The following SLU7 variants were observed in gnomAD, a reference collection of about 807,000 sequenced individuals.
SLU7 encodes spliceosome associated SLU7.
SLU7 carries 60 observed loss-of-function variants against 87.0 expected under a neutral mutation model. That is an observed-to-expected ratio of 0.69 (90% confidence interval 0.56 to 0.86). The LOEUF (loss-of-function observed/expected upper bound fraction) is 0.86. Among genes scored for constraint, SLU7 ranks in the 40% least tolerant of loss-of-function variants. SLU7 has a pLI of 0.00. For synonymous variants in SLU7, 197 were observed against 222.0 expected, an observed-to-expected ratio of 0.89 and a Z score of 1.00; for missense variants, 507 against 686.6, an observed-to-expected ratio of 0.74 and a Z score of 2.92.
intron 6 of SLU7, 150 bp from the exon 7 acceptor site, chr5:160,408,847 T>G: frequency 7.8e-6 from 1 of 127,426 alleles, no homozygotes; most frequent in Non-Finnish European, 1.6e-5. Context: ...ATTTATATTA[T>G]ATATAATAAA....
At chr5:160,410,363 T>C (rs1042750123) in intron 6 of SLU7, among the ~76,000 whole-genome samples, 1 of 152,226 alleles carries the variant, frequency 6.6e-6, no homozygotes, top group Non-Finnish European at 1.5e-5. Context: ...TACATACATT[T>C]CTATAGTGAC....
In SLU7 at chr5:160,404,745, G is replaced by C. The variant is rs1764934499; in HGVS notation, c.1464+64C>G. Reference sequence around the variant, plus strand: ...GTTTCAAAAGAAAAAAAAAAACTCAGGTGCAGGTTTTAAAGCCCTCCCTCC... The same window carrying C: ...GTTTCAAAAGAAAAAAAAAAACTCACGTGCAGGTTTTAAAGCCCTCCCTCC... On this transcript the variant is annotated intron_variant, in intron 14 of 15. Transcript: ENST00000297151. The C allele has an allele frequency of 3.2e-5, 37 of 1,147,038 alleles. No individual in the cohort carries two copies. In the South Asian group the frequency reaches 4.2e-4, roughly 13 times the overall value. 71.1% of individuals were successfully genotyped at this position (1,147,038 alleles called of 1,614,324 possible). A position where few individuals can be genotyped will look rare whatever the true frequency, so the allele number is the denominator to read the frequency against.
At position 160,405,040 on chromosome 5, in the gene SLU7, C is replaced by T. The variant is rs1433188553; in HGVS notation, c.1383G>A (p.Lys461=). Residue 461 remains lysine, a synonymous_variant, in exon 13 of 16, where the codon AAG becomes AAA. Transcript: ENST00000297151. ...AAAGACAATTACTTACAACAATCTC[C>T]TTCCCAGCTTCTCCAGTACAATAGG... is the stretch of plus-strand genomic sequence containing the variant. ...KYSYCTGEAG[K]EIVNSEECII... 9.9e-6 allele frequency: 16 copies of T among 1,610,932 alleles called. No homozygotes were observed. The highest frequency in any genetic ancestry group is 1.4e-5 in the Non-Finnish European group (16 of 1,177,164).
intron 1 of SLU7, 134 bp downstream of exon 1, chr5:160,418,889 C>T (rs889714338): frequency 2.0e-5 from 3 of 152,340 alleles, no homozygotes; most frequent in African/African-American, 7.2e-5. Context: ...TTTTCGGTCC[C>T]CCGTCCTCGC....
Position 160,403,319 on chromosome 5 carries a change from G to A in SLU7, c.1727C>T (p.Pro576Leu). 1 of 1,610,028 alleles carries A rather than the reference G, an allele frequency of 6.2e-7. No individual in the cohort carries two copies. Among genetic ancestry groups the A allele is most frequent in the Non-Finnish European group, 8.5e-7 (1 of 1,178,252 alleles). The change falls in exon 16 of 16, where the codon CCA (proline) becomes CTA (leucine). Residue 576 changes from proline to leucine, a missense_variant. Physicochemically the swap from Pro to Leu is moderately conservative, Grantham distance 98. Around this residue, in one of 6 missense-constraint regions of SLU7, gnomAD observed 201 missense variants for 213.4 expected, o/e 0.94. Transcript: ENST00000297151. The stretch of plus-strand genomic sequence containing the variant: ...AAGGAAAGAGGCCATGGGGTCATCT[G>A]GCCTCTGACGTTTCATTCTATATGC... Reference protein sequence around the residue: ...MEAYRMKRQRPDDPMASFLGQ With the variant: ...MEAYRMKRQRLDDPMASFLGQ
At position 160,407,893 on chromosome 5, in the gene SLU7, G is replaced by A. The variant is rs1765073076; in HGVS notation, c.917+78C>T. The A allele has an allele frequency of 6.9e-7, 1 of 1,459,730 alleles. No individual in the cohort carries two copies. The allele number at this position is 1,459,730 out of a possible 1,614,324, so 90.4% of individuals were successfully genotyped here. On this transcript the variant is annotated intron_variant, in intron 9 of 15. Coordinates refer to ENST00000297151, the MANE Select transcript of SLU7 (RefSeq NM_006425.5). The surrounding 1 kb of genome is among the most constrained non-coding windows in gnomAD (Gnocchi z 4.2). ...CGTAAAACTGAATCTGAATTAAAATGAACACCATCTATGGTCAGGTCAGAA... is the reference window on the plus strand; with the variant it reads ...CGTAAAACTGAATCTGAATTAAAATAAACACCATCTATGGTCAGGTCAGAA...
In SLU7 at chr5:160,416,531, C is replaced by T. The variant is rs115573058; in HGVS notation, c.-16-1221G>A. On this transcript the variant is annotated intron_variant, in intron 1 of 15. Coordinates refer to ENST00000297151, the MANE Select transcript of SLU7 (RefSeq NM_006425.5). Reference sequence around the variant, plus strand: ...CGTCTTAATTCAATCTCATGATCTTCCCTCTGAAATCTAATCTCCTACTCT... The same window carrying T: ...CGTCTTAATTCAATCTCATGATCTTTCCTCTGAAATCTAATCTCCTACTCT... Among the ~76,000 whole-genome samples the T allele has an allele frequency of 6.7e-3, 1,024 of 152,308 alleles. 12 individuals carry two copies. The highest frequency in any genetic ancestry group is 0.022 in the African/African-American group (927 of 41,568).
At chr5:160,412,382 C>A in intron 6 of SLU7, 69 bp downstream of exon 6, 1 of 972,494 alleles carries the variant, frequency 1.0e-6, no homozygotes. Flanking sequence ...AAAATGAATT[C>A]TTGTTTCAAT....
Position 160,414,375 on chromosome 5 carries a change from C to G in SLU7, c.268G>C (p.Glu90Gln), listed in dbSNP as rs1351947772. Residue 90 changes from glutamate to glutamine, a missense_variant, in exon 3 of 16, where the codon GAA becomes CAA. Physicochemically the swap from Glu to Gln is conservative, Grantham distance 29 (BLOSUM62 2). This residue lies in a region of SLU7 where 26 missense variants were observed against 78.9 expected (regional missense o/e 0.33). Coordinates refer to ENST00000297151, the MANE Select transcript of SLU7 (RefSeq NM_006425.5). ...GATGAGCTGAACTGCTTTTGTTTTT[C>G]TGGTTGTGGTCTCTGGTGTTTTAAA... ...PTLKHQRPQP[E>Q]KQKQFSSSGE... 6.2e-7 allele frequency: 1 copy of G among 1,611,398 alleles called. No homozygotes were observed. The highest frequency in any genetic ancestry group is 8.5e-7 in the Non-Finnish European group (1 of 1,178,730).
At chr5:160,404,635 A>G in intron 14 of SLU7, 79 bp from the exon 15 acceptor site, 1 of 1,040,632 alleles carries the variant, frequency 9.6e-7, no homozygotes, top group East Asian at 2.5e-5. Context: ...CTGAGGCACA[A>G]GAATCACTTG....
chr5:160,408,478 A>C lies in SLU7; in HGVS notation c.688-18T>G, dbSNP rs769844417. On this transcript the variant is annotated intron_variant, in intron 7 of 15. Transcript: ENST00000297151. Reference sequence around the variant, plus strand: ...TCTTTTTCCTAAAAGAGGGAGAGGAAGGAAAAGTAAGAAGAAAAGAAAGCA... The same window carrying C: ...TCTTTTTCCTAAAAGAGGGAGAGGACGGAAAAGTAAGAAGAAAAGAAAGCA... 6.3e-7 allele frequency: 1 copy of C among 1,577,824 alleles called. No individual in the cohort carries two copies. Among genetic ancestry groups the C allele is most frequent in the South Asian group, 1.2e-5 (1 of 83,684 alleles).
In SLU7 at chr5:160,413,558, C is replaced by A. The variant is rs753778788; in HGVS notation, c.468G>T (p.Gln156His). 1.9e-6 allele frequency: 3 copies of A among 1,613,974 alleles called. No homozygotes were observed. Among genetic ancestry groups the A allele is most frequent in the Non-Finnish European group, 2.5e-6 (3 of 1,179,882 alleles). ...CATCATAGTCAAACATCAGTTGAGG[C>A]TGGACATGTTCATCTGGAGCTATAT... is the stretch of plus-strand genomic sequence containing the variant. ...GTNIAPDEHV[Q>H]PQLMFDYDGK... The change falls in exon 5 of 16, where the codon CAG becomes CAT. Residue 156 changes from glutamine (Q) to histidine (H), a missense_variant. Coordinates refer to ENST00000297151, the MANE Select transcript of SLU7 (RefSeq NM_006425.5).
At chr5:160,404,669 T>G in intron 14 of SLU7, 113 bp from the exon 15 acceptor site, 1 of 880,050 alleles carries the variant, frequency 1.1e-6, no homozygotes, top group Non-Finnish European at 1.8e-6. Flanking sequence ...GAAGTTGCAG[T>G]GGGCCCAGAC....
Position 160,407,610 on chromosome 5 carries a change from C to A in SLU7, c.991G>T (p.Ala331Ser). 1 of 1,611,332 alleles carries A rather than the reference C, an allele frequency of 6.2e-7. No individual in the cohort carries two copies. The change falls in exon 11 of 16, where the codon GCA becomes TCA. Residue 331 changes from alanine (A) to serine (S), a missense_variant. By Grantham distance (99) the Ala-to-Ser change is moderately conservative. Around this residue, in one of 6 missense-constraint regions of SLU7, gnomAD observed 49 missense variants for 144.1 expected, o/e 0.34. Coordinates refer to ENST00000297151, the MANE Select transcript of SLU7 (RefSeq NM_006425.5). The surrounding 1 kb of genome is among the most constrained non-coding windows in gnomAD (Gnocchi z 4.2). Reference protein sequence around the residue: ...TISMAQTQLFAWEAYDKGSEV... With the variant: ...TISMAQTQLFSWEAYDKGSEV... ...GATCCCTTGTCATAGGCTTCCCATG[C>A]AAACACTAGAGTAATTCAAAACATC...
At chr5:160,414,013 T>C in intron 3 of SLU7, 34 bp from the exon 4 acceptor site, 1 of 1,278,560 alleles carries the variant, frequency 7.8e-7, no homozygotes, top group Non-Finnish European at 1.1e-6. Flanking sequence ...CAAAAATGTC[T>C]TAACCACGTA....
In SLU7 at chr5:160,407,651, C is replaced by T; in HGVS notation, c.986-36G>A. 1.2e-6 allele frequency: 2 copies of T among 1,604,882 alleles called. No homozygotes were observed. The highest frequency in any genetic ancestry group is 1.7e-6 in the Non-Finnish European group (2 of 1,176,636). On this transcript the variant is annotated intron_variant, in intron 10 of 15. Transcript: ENST00000297151. The surrounding 1 kb of genome is among the most constrained non-coding windows in gnomAD (Gnocchi z 4.2). ...TCAAAACATCTTAGTGAGTTGGCAG[C>T]TGCATTACTGTATGCTTCTTGAAAA...
chr5:160,407,878 A>C lies in SLU7; in HGVS notation c.918-65T>G. The C allele has an allele frequency of 4.7e-6, 7 of 1,488,008 alleles. No individual in the cohort carries two copies. The South Asian group carries it at 8.0e-5, about 17-fold the overall frequency. 92.2% of individuals were successfully genotyped at this position (1,488,008 alleles called of 1,614,324 possible). A position where few individuals can be genotyped will look rare whatever the true frequency, so the allele number is the denominator to read the frequency against. The stretch of plus-strand genomic sequence containing the variant: ...TAAGGAAAATTAATTCGTAAAACTG[A>C]ATCTGAATTAAAATGAACACCATCT... On this transcript the variant is annotated intron_variant, in intron 9 of 15. Coordinates refer to ENST00000297151, the MANE Select transcript of SLU7 (RefSeq NM_006425.5). This position sits in a 1 kb window ranked among gnomAD's most constrained non-coding sequence, Gnocchi z 4.2.
In SLU7 at chr5:160,407,847, T is replaced by C. The variant is rs2113117782; in HGVS notation, c.918-34A>G. The C allele has an allele frequency of 3.8e-6, 6 of 1,568,082 alleles. No individual in the cohort carries two copies. The highest frequency in any genetic ancestry group is 5.3e-6 in the Non-Finnish European group (6 of 1,140,176). The stretch of plus-strand genomic sequence containing the variant: ...ACAAATAAAGAAAATGTTTCAGAGA[T>C]TGATTTAAGGAAAATTAATTCGTAA... On this transcript the variant is annotated intron_variant, in intron 9 of 15. Coordinates refer to ENST00000297151, the MANE Select transcript of SLU7 (RefSeq NM_006425.5). The surrounding 1 kb of genome is among the most constrained non-coding windows in gnomAD (Gnocchi z 4.2).
chr5:160,411,590 G>A (rs1196025023), intron 6 of SLU7, among the ~76,000 whole-genome samples: 3 of 152,076 alleles, frequency 2.0e-5, no homozygotes, highest in African/African-American at 4.8e-5. Flanking sequence ...TTAGTAACTC[G>A]GTAACTGCTT....
Sources: gnomAD v4.1 joint callset for allele counts (sites outside exome capture counted in the v4.1 genomes callset) on GRCh38, gnomAD v4.1.1 for gene constraint, gnomAD v4.1.1 regional missense constraint, Gnocchi (gnomAD v3.1) non-coding constraint, MANE v1.5 for transcripts, NCBI Gene and HGNC (gene_info 2026-07-23, HGNC 2026-07-21) for gene names.